BBS9: variants seen among roughly 807,000 people sequenced by gnomAD.
BBS9 encodes Bardet-Biedl syndrome 9, also known as protein PTHB1.
A neutral mutation model predicts 117.7 loss-of-function variants in BBS9; 89 were observed. That is an observed-to-expected ratio of 0.76 (90% confidence interval 0.64 to 0.90). BBS9 has a LOEUF of 0.90. BBS9 is among the 40% of genes least tolerant of loss of function. BBS9 has a pLI of 0.00. For synonymous variants in BBS9, 379 were observed against 370.9 expected (o/e 1.02, Z -0.25); for missense variants, 982 against 1,042.2 (o/e 0.94, Z 0.80).
intron 19 of BBS9, among the ~76,000 whole-genome samples, chr7:33,487,263 T>C (rs959390536): frequency 5.3e-5 from 8 of 152,170 alleles, no homozygotes; most frequent in African/African-American, 1.9e-4. Flanking sequence ...GCTATGGGGT[T>C]TTTCCAGATA....
intron 1 of BBS9, among the ~76,000 whole-genome samples, chr7:33,141,983 C>A (rs750073436): frequency 1.3e-5 from 2 of 151,704 alleles, no homozygotes; most frequent in Non-Finnish European, 2.9e-5. Context: ...TTGCCCAGGC[C>A]GGACTGCAGT....
rs1049155889 is a variant in BBS9, at chr7:33,590,863, A to T, written c.2522-14002A>T. The stretch of plus-strand genomic sequence containing the variant: ...TCAAGTAAATAGTTTTTCTTTTTTA[A>T]AAAAAAAACTAATAATCATGGAGCT... On this transcript the variant is annotated intron_variant, in intron 21 of 22. Transcript: ENST00000242067. Among the ~76,000 whole-genome samples, 939 of 114,362 alleles carry T rather than the reference A, an allele frequency of 8.2e-3. 13 individuals are homozygous for T. The highest frequency in any genetic ancestry group is 0.029 in the African/African-American group (868 of 29,732). 75.0% of individuals were successfully genotyped at this position (114,362 alleles called of 152,430 possible). A position where few individuals can be genotyped will look rare whatever the true frequency, so the allele number is the denominator to read the frequency against.
chr7:33,293,827 T>G (rs1804595803), intron 9 of BBS9, among the ~76,000 whole-genome samples: 1 of 152,190 alleles, frequency 6.6e-6, no homozygotes. Context: ...TCTTTTTTTG[T>G]TCTTCATTAT....
intron 20 of BBS9, among the ~76,000 whole-genome samples, chr7:33,515,496 T>A (rs902633964): frequency 6.6e-6 from 1 of 152,230 alleles, no homozygotes; most frequent in Non-Finnish European, 1.5e-5. Context: ...TCAAAAACTT[T>A]CCTTTTCGAC....
intron 5 of BBS9, among the ~76,000 whole-genome samples, chr7:33,190,706 G>A (rs1583550290): frequency 6.6e-6 from 1 of 152,038 alleles, no homozygotes; most frequent in Non-Finnish European, 1.5e-5. Context: ...TTCCTTTCTC[G>A]TAGAAGGCTC....
chr7:33,403,681 T>A (rs2128797877), intron 19 of BBS9, among the ~76,000 whole-genome samples: 1 of 152,054 alleles, frequency 6.6e-6, no homozygotes, highest in South Asian at 2.1e-4. Context: ...TTCCATGGTG[T>A]ATATGTGCCA....
At chr7:33,602,437 A>AG (rs553887539) in intron 21 of BBS9, among the ~76,000 whole-genome samples, 235 of 152,268 alleles carry the variant, frequency 1.5e-3, no homozygotes, top group African/African-American at 4.9e-3. Flanking sequence ...ATCCAAAGAA[A>AG]GGGGGGTGGT....
intron 21 of BBS9, among the ~76,000 whole-genome samples, chr7:33,625,195 G>A (rs2129225338): frequency 6.6e-6 from 1 of 152,064 alleles, no homozygotes. Context: ...TATTCTATAT[G>A]GGCTCAAAAT....
chr7:33,519,515 G>T (rs1051045462), intron 20 of BBS9, among the ~76,000 whole-genome samples: 2 of 152,174 alleles, frequency 1.3e-5, no homozygotes, highest in African/African-American at 4.8e-5. Context: ...GTCTATGAAG[G>T]TGCTAAAAGC....
chr7:33,408,097 G>A (rs181687380), intron 19 of BBS9, among the ~76,000 whole-genome samples: 2 of 152,198 alleles, frequency 1.3e-5, no homozygotes, highest in African/African-American at 4.8e-5. Flanking sequence ...CACCCAGTTC[G>A]AGCTTCCTGG....
chr7:33,486,323 G>A (rs1322491316), intron 19 of BBS9, among the ~76,000 whole-genome samples: 1 of 152,144 alleles, frequency 6.6e-6, no homozygotes, highest in Admixed American at 6.5e-5. Context: ...ACAGCCCCAG[G>A]GAAATCTCCT....
intron 5 of BBS9, among the ~76,000 whole-genome samples, chr7:33,254,495 C>G (rs115890504): frequency 0.01 from 1,533 of 152,198 alleles, 22 homozygotes; most frequent in African/African-American, 0.035. Context: ...GTATGGATCA[C>G]TTCTCATAAT....
chr7:33,417,091 C>T (rs1832131490), intron 19 of BBS9, among the ~76,000 whole-genome samples: 1 of 152,192 alleles, frequency 6.6e-6, no homozygotes, highest in Admixed American at 6.5e-5. Context: ...CTACAATAGA[C>T]ACTACGTTTT....
At chr7:33,179,983 T>C (rs73687358) in intron 5 of BBS9, among the ~76,000 whole-genome samples, 2,579 of 152,276 alleles carry the variant, frequency 0.017, 61 homozygotes, top group African/African-American at 0.059. Context: ...TTTCCACCAG[T>C]TTTAATCAGT....
chr7:33,193,280 T>C (rs1784424672), intron 5 of BBS9, among the ~76,000 whole-genome samples: 1 of 152,180 alleles, frequency 6.6e-6, no homozygotes, highest in Admixed American at 6.5e-5. Context: ...ACTTTGTCAC[T>C]GTGTGTTTGT....
intron 19 of BBS9, among the ~76,000 whole-genome samples, chr7:33,493,076 C>G (rs767596511): frequency 2.6e-5 from 4 of 152,050 alleles, no homozygotes; most frequent in Non-Finnish European, 5.9e-5. Context: ...CTCACTGCAG[C>G]CTCCACCTCC....
At chr7:33,468,692 A>G (rs1840529872) in intron 19 of BBS9, among the ~76,000 whole-genome samples, 1 of 152,094 alleles carries the variant, frequency 6.6e-6, no homozygotes, top group African/African-American at 2.4e-5. Context: ...TCTGATAACC[A>G]TCATTCTACT....
At chr7:33,620,466 A>C (rs917691633) in intron 21 of BBS9, among the ~76,000 whole-genome samples, 1 of 152,044 alleles carries the variant, frequency 6.6e-6, no homozygotes, top group South Asian at 2.1e-4. Flanking sequence ...CTAACAAGAA[A>C]CTACCTGAAA....
chr7:33,191,246 A>G (rs928335276), intron 5 of BBS9, among the ~76,000 whole-genome samples: 2 of 152,200 alleles, frequency 1.3e-5, no homozygotes, highest in African/African-American at 4.8e-5. Flanking sequence ...AGGGTATGCA[A>G]AACAGGCTGA....
Sources: allele counts gnomAD v4.1 joint callset (sites outside exome capture counted in the v4.1 genomes callset), GRCh38; gene constraint gnomAD v4.1.1; transcripts MANE v1.5; gene names NCBI Gene and HGNC (gene_info 2026-07-23, HGNC 2026-07-21).